The following SCAPER variants were observed in gnomAD, a reference collection of about 807,000 sequenced individuals.
SCAPER encodes the protein S-phase cyclin A associated protein in the ER.
A neutral mutation model predicts 182.2 loss-of-function variants in SCAPER; 98 were observed. The observed-to-expected ratio is 0.54, with a 90% CI of 0.46 to 0.64. The LOEUF is 0.64. SCAPER is among the 30% of genes least tolerant of loss of function. SCAPER has a pLI of 0.00. For synonymous variants in SCAPER, 605 were observed against 564.6 expected (o/e 1.07, Z -1.01); for missense variants, 1,432 against 1,690.0 (o/e 0.85, Z 2.68).
chr15:76,357,184 A>ACACACACACCCC (rs1485814475), intron 29 of SCAPER, among the ~76,000 whole-genome samples: 2 of 151,388 alleles, frequency 1.3e-5, no homozygotes, highest in Non-Finnish European at 2.9e-5. Context: ...ACACACACAC[A>ACACACACACCCC]CACACCCCTA....
At chr15:76,492,565 T>C (rs914743460) in intron 24 of SCAPER, among the ~76,000 whole-genome samples, 8 of 152,242 alleles carry the variant, frequency 5.3e-5, no homozygotes, top group Middle Eastern at 3.4e-3. Flanking sequence ...GAAAAACATA[T>C]TTGTAAGAAG....
At chr15:76,502,789 C>T (rs2041253415) in intron 24 of SCAPER, among the ~76,000 whole-genome samples, 1 of 152,144 alleles carries the variant, frequency 6.6e-6, no homozygotes, top group Non-Finnish European at 1.5e-5. Flanking sequence ...TTAATCCTGA[C>T]CCTGTGGGTC....
At chr15:76,719,653 T>C (rs2060090071) in intron 17 of SCAPER, among the ~76,000 whole-genome samples, 1 of 152,168 alleles carries the variant, frequency 6.6e-6, no homozygotes, top group Non-Finnish European at 1.5e-5. Flanking sequence ...TACAACATTA[T>C]GATGTATACC....
intron 1 of SCAPER, among the ~76,000 whole-genome samples, chr15:76,884,339 C>T (rs773149868): frequency 7.2e-5 from 11 of 152,190 alleles, no homozygotes; most frequent in Non-Finnish European, 1.5e-4. Context: ...TCCTGTGTAA[C>T]TTTCCTTAAG....
In SCAPER at chr15:76,859,202, C is replaced by A. The variant is rs544008887; in HGVS notation, c.125-1323G>T. Among the ~76,000 whole-genome samples the A allele has an allele frequency of 3.3e-5, 5 of 152,308 alleles. No homozygotes were observed. In the South Asian group the frequency reaches 1.0e-3, roughly 32 times the overall value. Reference sequence around the variant, plus strand: ...TCCTTTCTGCAAAGTAATTTTGGGGCCAGGTCCCCTGAAGCAATATAAGTG... The same window carrying A: ...TCCTTTCTGCAAAGTAATTTTGGGGACAGGTCCCCTGAAGCAATATAAGTG... On this transcript the variant is annotated intron_variant, in intron 3 of 31. Coordinates refer to ENST00000563290, the MANE Select transcript of SCAPER (RefSeq NM_020843.4).
At chr15:76,639,118 T>C (rs1367853909) in intron 21 of SCAPER, among the ~76,000 whole-genome samples, 1 of 152,194 alleles carries the variant, frequency 6.6e-6, no homozygotes, top group Non-Finnish European at 1.5e-5. Flanking sequence ...TATGCTGGAA[T>C]AAAGAGGCTG....
intron 21 of SCAPER, among the ~76,000 whole-genome samples, chr15:76,659,734 C>A (rs1408780358): frequency 6.6e-6 from 1 of 151,668 alleles, no homozygotes; most frequent in African/African-American, 2.4e-5. Context: ...TAAATGCTGG[C>A]GAGGCTGTGG....
At position 76,702,938 on chromosome 15, in the gene SCAPER, A is replaced by G; in HGVS notation, c.2312T>C (p.Leu771Pro). The part of the protein sequence containing the change: ...IEQRKEKAAE[L>P]SSGRHANTDY... ...AGTATTTGCATGTCGCCCACTGCTT[A>G]GCTCAGCAGCTTTTTCTTTTCTTTG... is the stretch of plus-strand genomic sequence containing the variant. Residue 771 changes from leucine to proline, a missense_variant, in exon 19 of 32, where the codon CTA (leucine) becomes CCA (proline). Transcript: ENST00000563290. 6.2e-7 allele frequency: 1 copy of G among 1,610,650 alleles called. No individual in the cohort carries two copies. The highest frequency in any genetic ancestry group is 1.1e-5 in the South Asian group (1 of 90,044).
At chr15:76,779,850 G>A (rs556097138) in intron 8 of SCAPER, among the ~76,000 whole-genome samples, 84 of 152,292 alleles carry the variant, frequency 5.5e-4, no homozygotes, top group African/African-American at 1.7e-3. Flanking sequence ...ATGACCAAGT[G>A]AAATTTATTT....
intron 5 of SCAPER, among the ~76,000 whole-genome samples, chr15:76,818,729 AGACAGTGGGTGCAG>A (rs1240280842): frequency 2.0e-5 from 3 of 152,250 alleles, no homozygotes; most frequent in African/African-American, 4.8e-5. Flanking sequence ...GGGGAGTGCC[AGACAGTGGGTGCAG>A]GACAGTGGGT....
chr15:76,703,845 G>C (rs549918103), intron 18 of SCAPER, among the ~76,000 whole-genome samples: 2 of 152,148 alleles, frequency 1.3e-5, no homozygotes, highest in African/African-American at 4.8e-5. Flanking sequence ...CCTACCACAA[G>C]GCTCAATAAA....
At chr15:76,742,697 A>C (rs1202569156) in intron 15 of SCAPER, among the ~76,000 whole-genome samples, 1 of 151,888 alleles carries the variant, frequency 6.6e-6, no homozygotes, top group Non-Finnish European at 1.5e-5. Context: ...TTCAATCACC[A>C]ATCTACCTAA....
chr15:76,702,457 T>C (rs1022155328), intron 19 of SCAPER, among the ~76,000 whole-genome samples: 7 of 152,118 alleles, frequency 4.6e-5, no homozygotes, highest in Non-Finnish European at 8.8e-5. Flanking sequence ...AGCATGAGTT[T>C]TATTTTTTGA....
intron 26 of SCAPER, among the ~76,000 whole-genome samples, chr15:76,409,474 A>T (rs2045117338): frequency 6.6e-6 from 1 of 152,160 alleles, no homozygotes; most frequent in Non-Finnish European, 1.5e-5. Flanking sequence ...ACAAACAGAA[A>T]GGGATATTTA....
chr15:76,626,515 A>C (rs1160377252), intron 21 of SCAPER, among the ~76,000 whole-genome samples: 1 of 152,086 alleles, frequency 6.6e-6, no homozygotes, highest in Admixed American at 6.6e-5. Context: ...TCAGGAGTTC[A>C]AGACCAGCCT....
intron 17 of SCAPER, among the ~76,000 whole-genome samples, chr15:76,712,860 G>C (rs1437953216): frequency 6.6e-6 from 1 of 152,060 alleles, no homozygotes; most frequent in Non-Finnish European, 1.5e-5. Context: ...GGGTTTTCTA[G>C]ATATACAATC....
intron 21 of SCAPER, among the ~76,000 whole-genome samples, chr15:76,624,204 ATACAAAATCAATG>A (rs2052364577): frequency 6.6e-6 from 1 of 152,226 alleles, no homozygotes; most frequent in Non-Finnish European, 1.5e-5. Context: ...AAGTTTCAGG[ATACAAAATCAATG>A]TACAAAATCA....
intron 15 of SCAPER, among the ~76,000 whole-genome samples, chr15:76,750,059 G>T (rs1465645366): frequency 6.6e-6 from 1 of 151,500 alleles, no homozygotes; most frequent in Non-Finnish European, 1.5e-5. Flanking sequence ...ACAGAATCAA[G>T]TTAGAAAGAA....
In SCAPER at chr15:76,603,819, T is replaced by C. The variant is rs183944159; in HGVS notation, c.2711+17945A>G. ...TTTTTTCATGTGTCTGTTGGCTGCA[T>C]AAATGTCTTCTTTTGAGAAGTATCT... On this transcript the variant is annotated intron_variant, in intron 22 of 31. Coordinates refer to ENST00000563290, the MANE Select transcript of SCAPER (RefSeq NM_020843.4). Among the ~76,000 whole-genome samples the C allele has an allele frequency of 5.6e-3, 686 of 122,568 alleles. 96 individuals carry two copies. The highest frequency in any genetic ancestry group is 0.014 in the African/African-American group (569 of 40,032). The allele number at this position is 122,568 out of a possible 152,430, so 80.4% of individuals were successfully genotyped here. A position where few individuals can be genotyped will look rare whatever the true frequency, so the allele number is the denominator to read the frequency against.
Sources: allele counts gnomAD v4.1 joint callset (sites outside exome capture counted in the v4.1 genomes callset), GRCh38; gene constraint gnomAD v4.1.1; transcripts MANE v1.5; gene names NCBI Gene and HGNC (gene_info 2026-07-23, HGNC 2026-07-21).